PKIB: variants seen among roughly 807,000 people sequenced by gnomAD.
PKIB encodes the protein cAMP-dependent protein kinase inhibitor beta.
Under a neutral mutation model 4.5 loss-of-function variants are expected in PKIB, and 2 were observed. The ratio of observed to expected loss-of-function variants is 0.44; its 90% CI spans 0.18 to 1.39. The LOEUF is 1.39. PKIB is among the 40% of genes most tolerant of loss of function. PKIB has a pLI of 0.27. For missense variants in PKIB, 94 were observed against 92.6 expected, an observed-to-expected ratio of 1.02 and a Z score of -0.06; for synonymous variants, 38 against 36.0, an observed-to-expected ratio of 1.06 and a Z score of -0.20.
At chr6:122,525,000 G>T (rs1777056962) in intron 2 of PKIB, among the ~76,000 whole-genome samples, 2 of 148,974 alleles carry the variant, frequency 1.3e-5, no homozygotes, top group African/African-American at 2.5e-5. Context: ...TTTTCCTTCT[G>T]CTAATTTTGG....
At chr6:122,709,888 A>T (rs2115050729) in intron 3 of PKIB, among the ~76,000 whole-genome samples, 1 of 152,326 alleles carries the variant, frequency 6.6e-6, no homozygotes, top group Admixed American at 6.5e-5. Flanking sequence ...CTACCAATCC[A>T]GGTTTACTAC....
At chr6:122,642,867 A>T (rs977329535) in intron 2 of PKIB, among the ~76,000 whole-genome samples, 1 of 152,188 alleles carries the variant, frequency 6.6e-6, no homozygotes, top group Non-Finnish European at 1.5e-5. Context: ...AGTCAAGGTG[A>T]TATTACTATT....
In PKIB at chr6:122,484,914, G is replaced by A. The variant is rs180907107; in HGVS notation, c.-248+6975G>A. 3.6e-3 allele frequency among the ~76,000 whole-genome samples: 554 copies of A among 152,316 alleles called. 4 individuals carry two copies. Among genetic ancestry groups the A allele is most frequent in the African/African-American group, 0.012 (512 of 41,566 alleles). ...AGTATGCGCCAGAAACAATAGATGAGTTTTGGCCAATCCTAGCAGCAGAAG... is the reference window on the plus strand; with the variant it reads ...AGTATGCGCCAGAAACAATAGATGAATTTTGGCCAATCCTAGCAGCAGAAG... On this transcript the variant is annotated intron_variant, in intron 2 of 6. Coordinates refer to the PKIB transcript ENST00000392491.
chr6:122,538,693 T>C (rs1238178694), intron 2 of PKIB, among the ~76,000 whole-genome samples: 1 of 152,064 alleles, frequency 6.6e-6, no homozygotes, highest in Non-Finnish European at 1.5e-5. Flanking sequence ...AACTTTAAAG[T>C]AGTTTTTTCC....
intron 2 of PKIB, among the ~76,000 whole-genome samples, chr6:122,563,463 C>G (rs1773091584): frequency 6.6e-6 from 1 of 152,046 alleles, no homozygotes; most frequent in South Asian, 2.1e-4. Context: ...GTGGCGCTTT[C>G]CAGAAAGCAT....
At chr6:122,636,193 C>T (rs915791315) in intron 2 of PKIB, among the ~76,000 whole-genome samples, 1 of 152,018 alleles carries the variant, frequency 6.6e-6, no homozygotes. Context: ...AATTAAAACT[C>T]ATGTGGTTTG....
intron 2 of PKIB, among the ~76,000 whole-genome samples, chr6:122,527,749 A>G (rs183013154): frequency 1.3e-5 from 2 of 152,314 alleles, no homozygotes; most frequent in African/African-American, 4.8e-5. Flanking sequence ...GAATTACTAA[A>G]ATGTGACATG....
intron 2 of PKIB, among the ~76,000 whole-genome samples, chr6:122,530,586 T>C (rs1777226384): frequency 6.6e-6 from 1 of 152,136 alleles, no homozygotes; most frequent in African/African-American, 2.4e-5. Context: ...CAGGGAAGAC[T>C]TTGCCTATGA....
intron 2 of PKIB, among the ~76,000 whole-genome samples, chr6:122,651,084 C>T (rs1321216587): frequency 6.6e-6 from 1 of 152,106 alleles, no homozygotes; most frequent in East Asian, 1.9e-4. Flanking sequence ...CTACACAAGC[C>T]AAATAGACGA....
At chr6:122,606,299 A>G (rs1321205115), upstream of PKIB, among the ~76,000 whole-genome samples, 4 of 152,202 alleles carry the variant, frequency 2.6e-5, no homozygotes, top group Admixed American at 6.5e-5. Context: ...AGGGCTGGGC[A>G]TGGTGGCCCA....
intron 3 of PKIB, among the ~76,000 whole-genome samples, chr6:122,705,242 A>T (rs1219807977): frequency 1.3e-5 from 2 of 152,168 alleles, no homozygotes; most frequent in African/African-American, 4.8e-5. Context: ...GACCACATTG[A>T]TAATCAAAGC....
chr6:122,528,319 G>A (rs538997315), intron 2 of PKIB, among the ~76,000 whole-genome samples: 1 of 152,200 alleles, frequency 6.6e-6, no homozygotes, highest in South Asian at 2.1e-4. Flanking sequence ...AGATAGCTGG[G>A]TCCTATGTTT....
chr6:122,500,531 A>G (rs1776199988), intron 2 of PKIB, among the ~76,000 whole-genome samples: 5 of 152,208 alleles, frequency 3.3e-5, no homozygotes, highest in Admixed American at 2.6e-4. Context: ...AGTTTACACA[A>G]ACAATGCTGT....
At chr6:122,554,022 T>C (rs945704491) in intron 2 of PKIB, among the ~76,000 whole-genome samples, 7 of 152,170 alleles carry the variant, frequency 4.6e-5, no homozygotes, top group African/African-American at 1.7e-4. Context: ...ACATTTGCAT[T>C]TATAGGTCAA....
chr6:122,479,844 C>T (rs185754431), intron 2 of PKIB: 283 of 152,210 alleles, frequency 1.9e-3, no homozygotes, highest in African/African-American at 6.3e-3. Context: ...TCTGGCTTTT[C>T]ACTGTCTACA....
At chr6:122,540,077 C>G (rs1777544059) in intron 2 of PKIB, among the ~76,000 whole-genome samples, 1 of 151,768 alleles carries the variant, frequency 6.6e-6, no homozygotes, top group Non-Finnish European at 1.5e-5. Context: ...CTCTTTTATT[C>G]TTTATTAGTC....
intron 3 of PKIB, among the ~76,000 whole-genome samples, chr6:122,587,971 G>T (rs2114719714): frequency 6.6e-6 from 1 of 152,234 alleles, no homozygotes; most frequent in African/African-American, 2.4e-5. Context: ...CATTCTGTAG[G>T]TTACCTGTTC....
intron 2 of PKIB, among the ~76,000 whole-genome samples, chr6:122,561,121 G>T (rs1772998862): frequency 6.6e-6 from 1 of 151,894 alleles, no homozygotes; most frequent in South Asian, 2.1e-4. Context: ...GTTCCTTGAG[G>T]TATGACCTTA....
intron 3 of PKIB, among the ~76,000 whole-genome samples, chr6:122,601,748 C>G (rs1299339678): frequency 6.6e-6 from 1 of 152,074 alleles, no homozygotes; most frequent in East Asian, 1.9e-4. Flanking sequence ...GTCTGGCTTA[C>G]TTTATCAGTA....
Sources: gnomAD v4.1 joint callset for allele counts (sites outside exome capture counted in the v4.1 genomes callset) on GRCh38, gnomAD v4.1.1 for gene constraint, MANE v1.5 for transcripts, NCBI Gene and HGNC (gene_info 2026-07-23, HGNC 2026-07-21) for gene names.